The following NSUN3 variants were observed in gnomAD, a reference collection of about 807,000 sequenced individuals.
NSUN3 encodes NOP2/Sun RNA methyltransferase 3, also known as tRNA (cytosine(34)-C(5))-methyltransferase, mitochondrial.
NSUN3 carries 24 observed loss-of-function variants against 36.8 expected under a neutral mutation model. That is an observed-to-expected ratio of 0.65 (90% CI 0.47 to 0.92). The LOEUF is 0.92. NSUN3 is among the 40% of genes least tolerant of loss of function. The pLI is 0.00. For missense variants in NSUN3, 381 were observed against 392.8 expected (o/e 0.97, Z 0.25); for synonymous variants, 146 against 145.2 (o/e 1.01, Z -0.04).
intron 2 of NSUN3, among the ~76,000 whole-genome samples, chr3:94,075,109 T>C (rs1196810129): frequency 6.7e-6 from 1 of 150,314 alleles, no homozygotes; most frequent in Admixed American, 6.6e-5. Flanking sequence ...ATTACTTTTA[T>C]TTTTTTTCAA....
chr3:94,102,202 T>TAAAAAAAAAAAAA (rs5850923), intron 5 of NSUN3, among the ~76,000 whole-genome samples: 17 of 101,530 alleles, frequency 1.7e-4, no homozygotes, highest in Admixed American at 2.2e-4. Context: ...AAAGAAACGT[T>TAAAAAAAAAAAAA]AAAAAAAAAA....
chr3:94,090,470 T>C (rs1350385478), intron 3 of NSUN3, among the ~76,000 whole-genome samples: 1 of 152,164 alleles, frequency 6.6e-6, no homozygotes, highest in Non-Finnish European at 1.5e-5. Context: ...GTCGTAATAA[T>C]TTAAATATTC....
intron 2 of NSUN3, chr3:94,076,168 A>G: frequency 2.7e-6 from 3 of 1,129,088 alleles, no homozygotes; most frequent in Non-Finnish European, 2.7e-6. Flanking sequence ...TCAGTCTGCG[A>G]TCAGTACCAC....
chr3:94,124,148 C>CTTTTTTTTTTTTTTTTT (rs58987431), intron 5 of NSUN3, among the ~76,000 whole-genome samples: 26 of 88,170 alleles, frequency 2.9e-4, no homozygotes, highest in South Asian at 9.1e-4. Flanking sequence ...TATTTTATTT[C>CTTTTTTTTTTTTTTTTT]TTTTTTTTTT....
intron 5 of NSUN3, among the ~76,000 whole-genome samples, chr3:94,105,992 T>A (rs556511819): frequency 2.6e-5 from 4 of 152,196 alleles, no homozygotes; most frequent in East Asian, 3.9e-4. Flanking sequence ...TTTGCTCACC[T>A]AAGCAACACA....
At chr3:94,073,126 G>C (rs756804988) in intron 2 of NSUN3, among the ~76,000 whole-genome samples, 3 of 152,134 alleles carry the variant, frequency 2.0e-5, no homozygotes, top group Non-Finnish European at 4.4e-5. Flanking sequence ...CGCGAAGGAC[G>C]TGAACTCATC....
intron 5 of NSUN3, among the ~76,000 whole-genome samples, chr3:94,123,649 C>T (rs1031622036): frequency 1.4e-4 from 21 of 152,266 alleles, no homozygotes; most frequent in African/African-American, 4.1e-4. Flanking sequence ...TTAACTCTGT[C>T]ACCTCGTCTC....
rs185673910 is a variant in NSUN3 at position 94,126,930 on chromosome 3, G to C, written c.*440G>C. The stretch of plus-strand genomic sequence containing the variant: ...TTTTTTCCCCCCAACTTTTGTAACT[G>C]ATTGTCTCAGAACTGATTGGTATTC... On this transcript the variant is annotated 3_prime_UTR_variant, in exon 6 of 6. Coordinates refer to ENST00000314622, the MANE Select transcript of NSUN3 (RefSeq NM_022072.5). 6.3e-6 allele frequency: 1 copy of C among 158,376 alleles called. No individual in the cohort carries two copies. The highest frequency in any genetic ancestry group is 1.9e-4 in the East Asian group (1 of 5,354). 9.8% of individuals were successfully genotyped at this position (158,376 alleles called of 1,614,324 possible).
At chr3:94,086,620 G>A (rs2077293856) in intron 3 of NSUN3, among the ~76,000 whole-genome samples, 1 of 152,130 alleles carries the variant, frequency 6.6e-6, no homozygotes, top group Non-Finnish European at 1.5e-5. Context: ...ACTAGGCATT[G>A]GTACAAATAT....
chr3:94,065,524 G>C (rs2077200919), intron 2 of NSUN3, among the ~76,000 whole-genome samples: 1 of 152,132 alleles, frequency 6.6e-6, no homozygotes, highest in African/African-American at 2.4e-5. Flanking sequence ...CAGATGGTTG[G>C]CTTGTCCATT....
At chr3:94,096,671 GTA>G (rs2077341937) in intron 5 of NSUN3, among the ~76,000 whole-genome samples, 1 of 152,026 alleles carries the variant, frequency 6.6e-6, no homozygotes, top group South Asian at 2.1e-4. Context: ...GCTAATTTTT[GTA>G]TTTTTAGTAG....
At chr3:94,109,377 G>T (rs1576097827) in intron 5 of NSUN3, among the ~76,000 whole-genome samples, 1 of 152,162 alleles carries the variant, frequency 6.6e-6, no homozygotes, top group Admixed American at 6.5e-5. Flanking sequence ...TGCTAGCTAT[G>T]TATCGGAGTT....
chr3:94,077,780 T>C (rs1483793694), intron 2 of NSUN3, among the ~76,000 whole-genome samples: 2 of 152,236 alleles, frequency 1.3e-5, no homozygotes, highest in East Asian at 3.8e-4. Flanking sequence ...GGATCACTGG[T>C]GATATCCCCT....
chr3:94,119,506 T>TC (rs1268319893), intron 5 of NSUN3, among the ~76,000 whole-genome samples: 4 of 152,098 alleles, frequency 2.6e-5, no homozygotes, highest in Admixed American at 2.6e-4. Flanking sequence ...TTAGTTAGAT[T>TC]CCGGAGCTCA....
intron 3 of NSUN3, among the ~76,000 whole-genome samples, chr3:94,091,886 C>A (rs1201622429): frequency 6.6e-6 from 1 of 152,198 alleles, no homozygotes; most frequent in African/African-American, 2.4e-5. Flanking sequence ...TCTTTACTCC[C>A]ATCCCTCACC....
At chr3:94,064,343 AGT>A (rs2077194237) in intron 1 of NSUN3, 92 bp from the exon 2 acceptor site, 1 of 729,704 alleles carries the variant, frequency 1.4e-6, no homozygotes, top group African/African-American at 1.8e-5. Flanking sequence ...ATCCAAAAAA[AGT>A]GTTCTTGTCT....
chr3:94,066,524 A>T (rs541308016), intron 2 of NSUN3, among the ~76,000 whole-genome samples: 18 of 152,272 alleles, frequency 1.2e-4, no homozygotes, highest in African/African-American at 4.3e-4. Context: ...AGTAGTGAGG[A>T]AGATTTAGTA....
intron 2 of NSUN3, among the ~76,000 whole-genome samples, chr3:94,065,379 G>C (rs1385978574): frequency 6.6e-6 from 1 of 152,190 alleles, no homozygotes; most frequent in Non-Finnish European, 1.5e-5. Flanking sequence ...TTGACAAAAA[G>C]AACTAGGCCT....
chr3:94,095,731 C>A (rs1171917037), intron 5 of NSUN3, among the ~76,000 whole-genome samples: 1 of 151,850 alleles, frequency 6.6e-6, no homozygotes, highest in Admixed American at 6.6e-5. Flanking sequence ...TAATGCTAAA[C>A]CAAATTTTTT....
Sources: gnomAD v4.1 joint callset for allele counts (sites outside exome capture counted in the v4.1 genomes callset) on GRCh38, gnomAD v4.1.1 for gene constraint, MANE v1.5 for transcripts, NCBI Gene and HGNC (gene_info 2026-07-23, HGNC 2026-07-21) for gene names.